Variants in ATP2C2 observed in about 807,000 individuals in gnomAD.
ATP2C2 encodes calcium-transporting ATPase type 2C member 2.
Under a neutral mutation model 110.8 loss-of-function variants are expected in ATP2C2, and 171 were observed. The ratio of observed to expected loss-of-function variants is 1.54; its 90% confidence interval spans 1.36 to 1.75. ATP2C2 has a LOEUF of 1.75. ATP2C2 is among the 40% of genes most tolerant of loss of function. The pLI is 0.00. For missense variants in ATP2C2, 1,963 were observed against 1,235.0 expected, an observed-to-expected ratio of 1.59 and a Z score of -8.84; for synonymous variants, 804 against 508.4, an observed-to-expected ratio of 1.58 and a Z score of -7.82.
chr16:84,399,769 C>T (rs1298831042), intron 2 of ATP2C2, among the ~76,000 whole-genome samples: 1 of 152,146 alleles, frequency 6.6e-6, no homozygotes, highest in African/African-American at 2.4e-5. Flanking sequence ...TACAAGTCAT[C>T]CACTTACACT....
At chr16:84,396,814 G>C (rs930329145) in intron 1 of ATP2C2, among the ~76,000 whole-genome samples, 2 of 151,940 alleles carry the variant, frequency 1.3e-5, no homozygotes, top group African/African-American at 4.9e-5. Flanking sequence ...GCTCCCAATG[G>C]ATGGCTAAGC....
rs753106352 is a variant in ATP2C2 at position 84,459,483 on chromosome 16, C to G, written c.2333+97C>G. ...TGTGCCCCAAGGCTATAGGGATGAA[C>G]AAATACAGCCACTTTCCATCAGGAG... On this transcript the variant is annotated intron_variant, in intron 23 of 26. Transcript: ENST00000262429. The G allele has an allele frequency of 7.5e-6, 12 of 1,593,890 alleles. No homozygotes were observed. In the East Asian group the frequency reaches 1.8e-4, roughly 24 times the overall value.
rs978522799 is a variant in ATP2C2, at chr16:84,381,011, G to A, written c.99+12297G>A. The stretch of plus-strand genomic sequence containing the variant: ...CCGGCCAACGTAGTGAATTTCATGC[G>A]CGTCCGTGTGAAGAGACCACCAAAC... On this transcript the variant is annotated intron_variant, in intron 1 of 26. Coordinates refer to ENST00000262429, the MANE Select transcript of ATP2C2 (RefSeq NM_014861.4). Among the ~76,000 whole-genome samples the A allele has an allele frequency of 6.6e-5, 10 of 152,232 alleles. No homozygotes were observed. In the South Asian group the frequency reaches 8.3e-4, roughly 13 times the overall value.
rs185981577 is a variant in ATP2C2 at position 84,417,309 on chromosome 16, A to G, written c.624+1718A>G. 2.1e-3 allele frequency among the ~76,000 whole-genome samples: 326 copies of G among 152,230 alleles called. 3 individuals carry two copies. The highest frequency in any genetic ancestry group is 7.6e-3 in the African/African-American group (317 of 41,528). The stretch of plus-strand genomic sequence containing the variant: ...GAGAACCCCAGGCCCCATAGCTCCT[A>G]GGGCGTGACTCGGGGAAGGAATTCA... On this transcript the variant is annotated intron_variant, in intron 7 of 26. Coordinates refer to ENST00000262429, the MANE Select transcript of ATP2C2 (RefSeq NM_014861.4).
At chr16:84,379,902 T>G (rs894817195) in intron 1 of ATP2C2, among the ~76,000 whole-genome samples, 1 of 152,150 alleles carries the variant, frequency 6.6e-6, no homozygotes, top group African/African-American at 2.4e-5. Flanking sequence ...AAGGTAGGTA[T>G]GGCCTGGGTG....
Position 84,423,173 on chromosome 16 carries a change from T to C in ATP2C2, c.844-15T>C. The stretch of plus-strand genomic sequence containing the variant: ...AGGATCTTGTCCAACTAACCCATTG[T>C]GCTCACCCTTTCAGACACCTAAAAC... On this transcript the variant is annotated splice_polypyrimidine_tract_variant and intron_variant, in intron 9 of 26. Transcript: ENST00000262429. The C allele has an allele frequency of 1.2e-6, 2 of 1,612,216 alleles. No homozygotes were observed. The highest frequency in any genetic ancestry group is 1.7e-6 in the Non-Finnish European group (2 of 1,178,308).
At chr16:84,385,170 C>T (rs1010604325) in intron 1 of ATP2C2, among the ~76,000 whole-genome samples, 2 of 152,124 alleles carry the variant, frequency 1.3e-5, no homozygotes, top group Non-Finnish European at 2.9e-5. Flanking sequence ...TCTGGGAAGA[C>T]CTCAGGAGGT....
chr16:84,460,330 T>G, intron 23 of ATP2C2: 1 of 382,792 alleles, frequency 2.6e-6, no homozygotes, highest in Non-Finnish European at 4.9e-6. Context: ...TGGAGCCTGT[T>G]TCTCCAGGCG....
chr16:84,437,582 C>G (rs1908857563), intron 11 of ATP2C2, among the ~76,000 whole-genome samples: 1 of 152,162 alleles, frequency 6.6e-6, no homozygotes, highest in Non-Finnish European at 1.5e-5. Flanking sequence ...GTGGCGCAGT[C>G]TCGGTTCACT....
At chr16:84,461,671 G>A (rs545669703) in intron 24 of ATP2C2, 43 bp from the exon 25 acceptor site, 1 of 1,563,940 alleles carries the variant, frequency 6.4e-7, no homozygotes, top group Non-Finnish European at 8.8e-7. Context: ...GATGGAGGTT[G>A]TCTCTTCCCG....
At chr16:84,383,151 C>G (rs1411804578) in intron 1 of ATP2C2, among the ~76,000 whole-genome samples, 1 of 152,188 alleles carries the variant, frequency 6.6e-6, no homozygotes, top group African/African-American at 2.4e-5. Context: ...CTACTGCTTT[C>G]TGCTACTGAG....
chr16:84,429,477 T>G (rs1413412393), intron 11 of ATP2C2, among the ~76,000 whole-genome samples: 1 of 152,166 alleles, frequency 6.6e-6, no homozygotes, highest in Non-Finnish European at 1.5e-5. Context: ...GAGGAGCATT[T>G]ATCCTTCGGT....
At chr16:84,417,983 A>G (rs1442792394) in intron 7 of ATP2C2, among the ~76,000 whole-genome samples, 1 of 152,136 alleles carries the variant, frequency 6.6e-6, no homozygotes, top group Non-Finnish European at 1.5e-5. Flanking sequence ...AAAGTAATAG[A>G]CCTTTTTGCA....
intron 1 of ATP2C2, among the ~76,000 whole-genome samples, chr16:84,391,426 G>A (rs1244038546): frequency 2.0e-5 from 3 of 152,170 alleles, no homozygotes; most frequent in African/African-American, 7.2e-5. Context: ...CTAACCCCTG[G>A]TACCTGTGAA....
chr16:84,448,377 C>G, intron 16 of ATP2C2, among the ~76,000 whole-genome samples, 156 bp from the exon 17 acceptor site: 1 of 152,180 alleles, frequency 6.6e-6, no homozygotes, highest in Non-Finnish European at 1.5e-5. Context: ...CTTCGCGAAC[C>G]TGTCCAGCAC....
At chr16:84,405,996 C>T (rs746854292) in intron 3 of ATP2C2, among the ~76,000 whole-genome samples, 1 of 152,226 alleles carries the variant, frequency 6.6e-6, no homozygotes, top group African/African-American at 2.4e-5. Context: ...TGTCCCAATA[C>T]AGTGGACGTG....
intron 3 of ATP2C2, among the ~76,000 whole-genome samples, chr16:84,405,817 G>A (rs1176650311): frequency 6.6e-6 from 1 of 152,170 alleles, no homozygotes; most frequent in African/African-American, 2.4e-5. Context: ...CTACTGAGGA[G>A]GCTGAGGTGG....
chr16:84,388,017 T>C (rs2151405610), intron 1 of ATP2C2, among the ~76,000 whole-genome samples: 1 of 151,486 alleles, frequency 6.6e-6, no homozygotes, highest in East Asian at 2.0e-4. Flanking sequence ...ACAGCAGGTG[T>C]GTTTTTGTAA....
intron 15 of ATP2C2, among the ~76,000 whole-genome samples, chr16:84,446,007 G>C (rs1015758833): frequency 1.3e-5 from 2 of 152,188 alleles, no homozygotes; most frequent in African/African-American, 4.8e-5. Context: ...CTGACTCAGG[G>C]GGTTCCGTCT....
Sources: allele counts gnomAD v4.1 joint callset (sites outside exome capture counted in the v4.1 genomes callset), GRCh38; gene constraint gnomAD v4.1.1; transcripts MANE v1.5; gene names NCBI Gene and HGNC (gene_info 2026-07-23, HGNC 2026-07-21).